TAFA2: variants seen among roughly 807,000 people sequenced by gnomAD.
TAFA2 encodes the protein chemokine-like protein TAFA-2.
TAFA2 carries 7 observed loss-of-function variants against 18.8 expected under a neutral mutation model. The observed-to-expected ratio is 0.37, with a 90% CI of 0.21 to 0.70. The LOEUF (loss-of-function observed/expected upper bound fraction) is 0.70. Ranked by LOEUF, TAFA2 falls within the 30% of genes least tolerant of loss-of-function variation. The pLI, the probability that TAFA2 is intolerant of heterozygous loss-of-function variation, is 0.53. For missense variants in TAFA2, 122 were observed against 158.1 expected (o/e 0.77, Z 1.23); for synonymous variants, 60 against 54.2 (o/e 1.11, Z -0.47).
intron 1 of TAFA2, among the ~76,000 whole-genome samples, chr12:62,010,233 TG>T (rs774764238): frequency 7.0e-5 from 10 of 143,066 alleles, no homozygotes; most frequent in East Asian, 2.4e-4. Flanking sequence ...TGTACTGCCG[TG>T]GTCTCGGCTC....
intron 1 of TAFA2, among the ~76,000 whole-genome samples, chr12:61,999,149 C>T (rs1043130133): frequency 1.3e-5 from 2 of 152,144 alleles, no homozygotes; most frequent in Non-Finnish European, 2.9e-5. Flanking sequence ...GGAAACAGTT[C>T]TATTTAATTC....
chr12:62,061,237 G>A (rs1181718967), intron 1 of TAFA2, among the ~76,000 whole-genome samples: 1 of 152,162 alleles, frequency 6.6e-6, no homozygotes, highest in Non-Finnish European at 1.5e-5. Flanking sequence ...CATTCATGGT[G>A]AAGTGCTCTG....
chr12:61,785,001 T>C (rs1870667883), intron 2 of TAFA2, among the ~76,000 whole-genome samples: 2 of 151,558 alleles, frequency 1.3e-5, no homozygotes, highest in Admixed American at 6.6e-5. Flanking sequence ...TGAAACTATA[T>C]AATATATTAT....
chr12:62,235,012 G>C, intron 1 of TAFA2: 1 of 642,584 alleles, frequency 1.6e-6, no homozygotes, highest in South Asian at 1.4e-5. Flanking sequence ...CCAGGGTAAG[G>C]CATTGTAGGG....
At position 61,754,958 on chromosome 12, in the gene TAFA2, A is replaced by G. The variant is rs1418000119; in HGVS notation, c.173T>C (p.Ile58Thr). 2 of 1,613,020 alleles carry G rather than the reference A, an allele frequency of 1.2e-6. No homozygotes were observed. Among genetic ancestry groups the G allele is most frequent in the South Asian group, 1.1e-5 (1 of 91,058 alleles). ...CTTGACTGTTTGTGACCGTTCTTCT[A>G]TCTTGTTCTTATTACAGCATCTGTG... is the stretch of plus-strand genomic sequence containing the variant. ...ALHRCCNKNK[I>T]EERSQTVKCS... The change falls in exon 3 of 5, where the codon ATA (isoleucine) becomes ACA (threonine). Residue 58 changes from isoleucine to threonine, a missense_variant. This residue lies in a region of TAFA2 where 60 missense variants were observed against 102.7 expected (regional missense o/e 0.58). Coordinates refer to ENST00000416284, the MANE Select transcript of TAFA2 (RefSeq NM_178539.5).
chr12:62,223,958 A>C (rs2136980278), intron 1 of TAFA2, among the ~76,000 whole-genome samples: 1 of 152,292 alleles, frequency 6.6e-6, no homozygotes. Context: ...AATCATTGAA[A>C]GGAGGGACTT....
intron 1 of TAFA2, among the ~76,000 whole-genome samples, chr12:62,067,712 A>G (rs1882526933): frequency 6.6e-6 from 1 of 151,972 alleles, no homozygotes; most frequent in Non-Finnish European, 1.5e-5. Context: ...TTTAGTTACT[A>G]TACTTCTGTA....
chr12:61,749,690 T>A (rs186592419), intron 4 of TAFA2, among the ~76,000 whole-genome samples: 29 of 152,222 alleles, frequency 1.9e-4, no homozygotes, highest in African/African-American at 6.7e-4. Context: ...AAGTGAAAGA[T>A]TTCAATTAGT....
chr12:62,005,810 C>A (rs1274516298), intron 1 of TAFA2, among the ~76,000 whole-genome samples: 1 of 152,040 alleles, frequency 6.6e-6, no homozygotes, highest in Non-Finnish European at 1.5e-5. Flanking sequence ...CCCTAAGTTG[C>A]ACAAATAGTA....
At chr12:61,952,175 G>A (rs529748663) in intron 1 of TAFA2, among the ~76,000 whole-genome samples, 1 of 152,172 alleles carries the variant, frequency 6.6e-6, no homozygotes, top group East Asian at 1.9e-4. Flanking sequence ...CTGAAAGGAA[G>A]GTAGACAGAT....
chr12:61,900,423 T>A (rs573326385), intron 1 of TAFA2, among the ~76,000 whole-genome samples: 4 of 152,320 alleles, frequency 2.6e-5, no homozygotes, highest in African/African-American at 9.6e-5. Context: ...TCCATTATCA[T>A]GCTGCTAATA....
intron 1 of TAFA2, among the ~76,000 whole-genome samples, chr12:62,186,256 G>A (rs1223827355): frequency 6.6e-6 from 1 of 152,134 alleles, no homozygotes; most frequent in African/African-American, 2.4e-5. Flanking sequence ...GACCTTTAAA[G>A]GGCAACACCG....
chr12:61,735,014 A>C (rs7137618), intron 4 of TAFA2, among the ~76,000 whole-genome samples: 4 of 151,836 alleles, frequency 2.6e-5, no homozygotes, highest in Non-Finnish European at 4.4e-5. Flanking sequence ...GCTAGTATGT[A>C]TAAAGTTCTT....
chr12:61,949,000 G>T (rs911954483), intron 1 of TAFA2, among the ~76,000 whole-genome samples: 3 of 152,124 alleles, frequency 2.0e-5, no homozygotes, highest in African/African-American at 7.2e-5. Flanking sequence ...ACTTGTGATG[G>T]TTAATTTTAC....
At chr12:61,764,221 ATGAT>A (rs1470406708) in intron 2 of TAFA2, among the ~76,000 whole-genome samples, 1,365 of 90,642 alleles carry the variant, frequency 0.015, 17 homozygotes, top group African/African-American at 0.052. Context: ...TTTAGATTAG[ATGAT>A]TGATTGATAG....
chr12:62,210,988 AC>A (rs2062710838), intron 1 of TAFA2, among the ~76,000 whole-genome samples: 1 of 151,790 alleles, frequency 6.6e-6, no homozygotes, highest in Non-Finnish European at 1.5e-5. Flanking sequence ...TAGCTGGAAA[AC>A]TGAAAGGAAA....
rs115114292 is a variant in TAFA2, at chr12:61,873,712, C to T, written c.-1-6286G>A. Among the ~76,000 whole-genome samples, 455 of 152,198 alleles carry T rather than the reference C, an allele frequency of 3.0e-3. 1 individual carries two copies. Among genetic ancestry groups the T allele is most frequent in the African/African-American group, 9.4e-3 (391 of 41,556 alleles). ...ACAAATAACCTACTAAATAGGGCAT[C>T]GAGAGCTACAAGTTTGACTACACTG... On this transcript the variant is annotated intron_variant, in intron 1 of 4. Transcript: ENST00000416284.
At chr12:61,881,573 T>C (rs546049654) in intron 1 of TAFA2, among the ~76,000 whole-genome samples, 1 of 152,242 alleles carries the variant, frequency 6.6e-6, no homozygotes, top group South Asian at 2.1e-4. Context: ...AAATATATGA[T>C]GGGGCTGGTA....
At chr12:62,083,699 A>G (rs1219612250) in intron 1 of TAFA2, among the ~76,000 whole-genome samples, 1 of 152,188 alleles carries the variant, frequency 6.6e-6, no homozygotes, top group Non-Finnish European at 1.5e-5. Context: ...AGACAGAGAA[A>G]TGTGTCTTAC....
Sources: gnomAD v4.1 joint callset for allele counts (sites outside exome capture counted in the v4.1 genomes callset) on GRCh38, gnomAD v4.1.1 for gene constraint, gnomAD v4.1.1 regional missense constraint, MANE v1.5 for transcripts, NCBI Gene and HGNC (gene_info 2026-07-23, HGNC 2026-07-21) for gene names.